Variants in RBMS3 observed in about 807,000 individuals in gnomAD.
RBMS3 encodes the protein RNA-binding motif, single-stranded-interacting protein 3.
Under a neutral mutation model 66.8 loss-of-function variants are expected in RBMS3, and 27 were observed. The observed-to-expected ratio is 0.40, with a 90% CI of 0.30 to 0.56. RBMS3 has a LOEUF of 0.56. Ranked by LOEUF, RBMS3 falls within the 20% of genes least tolerant of loss-of-function variation. The probability of loss-of-function intolerance (pLI) is 0.40; values close to 1 mark genes in which losing one functional copy is unlikely to be tolerated. For missense variants in RBMS3, 513 were observed against 549.5 expected (o/e 0.93, Z 0.66); for synonymous variants, 188 against 183.0 (o/e 1.03, Z -0.22).
chr3:29,376,327 C>T (rs1171848483), intron 1 of RBMS3, among the ~76,000 whole-genome samples: 2 of 152,194 alleles, frequency 1.3e-5, no homozygotes, highest in African/African-American at 4.8e-5. Flanking sequence ...CCTGCACATC[C>T]TGTGCATATA....
intron 4 of RBMS3, among the ~76,000 whole-genome samples, chr3:29,663,937 T>C (rs780230860): frequency 3.9e-5 from 6 of 152,160 alleles, no homozygotes; most frequent in Non-Finnish European, 8.8e-5. Context: ...AATTGCTCAA[T>C]TGAAAAATGT....
intron 1 of RBMS3, among the ~76,000 whole-genome samples, chr3:29,376,953 G>T (rs1466957057): frequency 6.6e-6 from 1 of 152,152 alleles, no homozygotes; most frequent in East Asian, 1.9e-4. Context: ...GCCGGACGTG[G>T]TGGCGGATGC....
chr3:29,658,491 C>T lies in RBMS3; in HGVS notation c.399+71286C>T, dbSNP rs531979295. Among the ~76,000 whole-genome samples the T allele has an allele frequency of 3.3e-5, 5 of 152,280 alleles. No individual in the cohort carries two copies. In the South Asian group the frequency reaches 8.3e-4, roughly 25 times the overall value. On this transcript the variant is annotated intron_variant, in intron 4 of 14. Transcript: ENST00000383767. Reference sequence around the variant, plus strand: ...AATTAAACTTCAGTTATAGTTATATCTTTATCTAAATCTTGGATTATCTGC... The same window carrying T: ...AATTAAACTTCAGTTATAGTTATATTTTTATCTAAATCTTGGATTATCTGC...
intron 4 of RBMS3, among the ~76,000 whole-genome samples, chr3:29,692,937 G>C (rs2052097604): frequency 6.6e-6 from 1 of 152,142 alleles, no homozygotes; most frequent in Non-Finnish European, 1.5e-5. Flanking sequence ...GGTACGGACA[G>C]ATCCTTTATA....
At chr3:29,961,985 T>A (rs1696483502) in intron 12 of RBMS3, among the ~76,000 whole-genome samples, 1 of 110,430 alleles carries the variant, frequency 9.1e-6, no homozygotes, top group Admixed American at 9.0e-5. Flanking sequence ...TAATATATAT[T>A]AATATATATA....
At chr3:29,362,910 A>G (rs2037685405) in intron 1 of RBMS3, among the ~76,000 whole-genome samples, 1 of 152,196 alleles carries the variant, frequency 6.6e-6, no homozygotes, top group Admixed American at 6.5e-5. Context: ...TTATTCCAAC[A>G]TATATTATCT....
chr3:29,505,854 T>TA (rs1449576218), intron 3 of RBMS3, among the ~76,000 whole-genome samples: 1 of 151,834 alleles, frequency 6.6e-6, no homozygotes, highest in East Asian at 1.9e-4. Context: ...AATGGGATTT[T>TA]AAAAATTGCA....
intron 2 of RBMS3, among the ~76,000 whole-genome samples, chr3:29,462,788 T>C (rs1461220334): frequency 1.3e-5 from 2 of 152,234 alleles, no homozygotes; most frequent in Non-Finnish European, 2.9e-5. Flanking sequence ...TTAGAGCTCT[T>C]TAATTATTGG....
intron 4 of RBMS3, among the ~76,000 whole-genome samples, chr3:29,733,293 A>G (rs2054214895): frequency 6.6e-6 from 1 of 151,960 alleles, no homozygotes; most frequent in Admixed American, 6.6e-5. Flanking sequence ...TAAATTCGTT[A>G]TACACAATTT....
intron 11 of RBMS3, among the ~76,000 whole-genome samples, chr3:29,942,506 G>A (rs1385937767): frequency 6.6e-6 from 1 of 151,752 alleles, no homozygotes; most frequent in Non-Finnish European, 1.5e-5. Flanking sequence ...CTGAATGATG[G>A]AGTGAAACCC....
At chr3:29,633,090 C>A (rs142859415) in intron 4 of RBMS3, among the ~76,000 whole-genome samples, 97 of 151,892 alleles carry the variant, frequency 6.4e-4, no homozygotes, top group African/African-American at 2.3e-3. Context: ...ATGATCCCTG[C>A]CTCTGCTGCT....
At position 29,754,543 on chromosome 3, in the gene RBMS3, A is replaced by C. The variant is rs554089723; in HGVS notation, c.558-8367A>C. The stretch of plus-strand genomic sequence containing the variant: ...GGTCAGATGAATGAAAGTTATGCTC[A>C]TATCAGGACTCCAGCTGTCAGCAAA... On this transcript the variant is annotated intron_variant, in intron 5 of 14. Coordinates refer to ENST00000383767, the MANE Select transcript of RBMS3 (RefSeq NM_001003793.3). 5.3e-5 allele frequency among the ~76,000 whole-genome samples: 8 copies of C among 152,328 alleles called. No homozygotes were observed. The South Asian group carries it at 1.7e-3, about 32-fold the overall frequency.
At position 29,398,626 on chromosome 3, in the gene RBMS3, T is replaced by C. The variant is rs563807630; in HGVS notation, c.76-36117T>C. Among the ~76,000 whole-genome samples, 12 of 152,306 alleles carry C rather than the reference T, an allele frequency of 7.9e-5. No individual in the cohort carries two copies. In the East Asian group the frequency reaches 2.3e-3, roughly 29 times the overall value. ...TTGGCAGAGTTCCAGCTAGAACACGTGGTCATTGACCACCATAACTGTTGG... is the reference window on the plus strand; with the variant it reads ...TTGGCAGAGTTCCAGCTAGAACACGCGGTCATTGACCACCATAACTGTTGG... On this transcript the variant is annotated intron_variant, in intron 1 of 14. Coordinates refer to ENST00000383767, the MANE Select transcript of RBMS3 (RefSeq NM_001003793.3).
Position 29,740,275 on chromosome 3 carries a change from C to CA in RBMS3, c.557+404dup, listed in dbSNP as rs538708786. ...ATCTAAGTGTTTTTGCATTGATTTC[C>CA]AAAAAAGGGTGCTAGCATTTCTCAG... On this transcript the variant is annotated intron_variant, in intron 5 of 14. Transcript: ENST00000383767. Among the ~76,000 whole-genome samples the CA allele has an allele frequency of 3.3e-3, 494 of 151,468 alleles. 4 individuals are homozygous for CA. The highest frequency in any genetic ancestry group is 0.012 in the African/African-American group (477 of 41,298).
At chr3:29,831,269 T>G (rs949405039) in intron 6 of RBMS3, among the ~76,000 whole-genome samples, 3 of 152,190 alleles carry the variant, frequency 2.0e-5, no homozygotes, top group African/African-American at 7.2e-5. Context: ...CCAATCGAAT[T>G]CTCCTTTTGA....
chr3:29,764,438 C>T (rs997702574), intron 6 of RBMS3, among the ~76,000 whole-genome samples: 5 of 151,430 alleles, frequency 3.3e-5, no homozygotes, highest in African/African-American at 1.2e-4. Flanking sequence ...AATCCGTCAT[C>T]GAGTAAAGGA....
intron 5 of RBMS3, among the ~76,000 whole-genome samples, chr3:29,748,319 A>C (rs189477164): frequency 1.3e-5 from 2 of 152,304 alleles, no homozygotes; most frequent in Admixed American, 1.3e-4. Flanking sequence ...ATAGGTAATA[A>C]TGTCAGCCTT....
chr3:29,376,470 G>A (rs181764418), intron 1 of RBMS3, among the ~76,000 whole-genome samples: 1 of 152,274 alleles, frequency 6.6e-6, no homozygotes, highest in East Asian at 1.9e-4. Flanking sequence ...CACGGGAGCA[G>A]TTAAAAAGAC....
chr3:29,563,448 A>G (rs948367723), intron 3 of RBMS3, among the ~76,000 whole-genome samples: 1 of 152,170 alleles, frequency 6.6e-6, no homozygotes, highest in African/African-American at 2.4e-5. Context: ...ACATTTCTGC[A>G]GTGGGTAAAG....
Sources: gnomAD v4.1 joint callset for allele counts (sites outside exome capture counted in the v4.1 genomes callset) on GRCh38, gnomAD v4.1.1 for gene constraint, MANE v1.5 for transcripts, NCBI Gene and HGNC (gene_info 2026-07-23, HGNC 2026-07-21) for gene names.